The following MCTP1 variants were observed in gnomAD, a reference collection of about 807,000 sequenced individuals.
MCTP1 encodes multiple C2 and transmembrane domain containing 1.
In MCTP1, 69 loss-of-function variants were observed where a neutral mutation model predicts 120.6. The observed-to-expected ratio is 0.57, with a 90% confidence interval of 0.47 to 0.70. The LOEUF (loss-of-function observed/expected upper bound fraction) is 0.70. Among genes scored for constraint, MCTP1 ranks in the 30% least tolerant of loss-of-function variants. The pLI is 0.00. For synonymous variants in MCTP1, 529 were observed against 493.1 expected (o/e 1.07, Z -0.96); for missense variants, 1,203 against 1,248.8 (o/e 0.96, Z 0.55).
intron 18 of MCTP1, among the ~76,000 whole-genome samples, chr5:94,793,986 T>C (rs544918111): frequency 2.6e-5 from 4 of 152,148 alleles, no homozygotes; most frequent in Non-Finnish European, 5.9e-5. Flanking sequence ...AAAAGGGAAA[T>C]GAAGAAACAA....
intron 1 of MCTP1, among the ~76,000 whole-genome samples, chr5:95,080,251 T>G (rs966351413): frequency 1.3e-5 from 2 of 152,194 alleles, no homozygotes; most frequent in African/African-American, 4.8e-5. Flanking sequence ...TGGCAATGGC[T>G]AAGAAATTGC....
At chr5:94,935,177 A>G (rs536535668) in intron 5 of MCTP1, among the ~76,000 whole-genome samples, 35 of 152,082 alleles carry the variant, frequency 2.3e-4, no homozygotes, top group Non-Finnish European at 4.3e-4. Flanking sequence ...TAAAGACTCA[A>G]TCATGACCTC....
At chr5:94,820,449 A>G (rs1785393198) in intron 17 of MCTP1, among the ~76,000 whole-genome samples, 1 of 152,208 alleles carries the variant, frequency 6.6e-6, no homozygotes, top group African/African-American at 2.4e-5. Flanking sequence ...CACCTTCTTT[A>G]ACATTTTTTG....
At chr5:95,227,764 T>G (rs1043695244) in intron 1 of MCTP1, among the ~76,000 whole-genome samples, 5 of 152,194 alleles carry the variant, frequency 3.3e-5, no homozygotes, top group Non-Finnish European at 4.4e-5. Flanking sequence ...GGTCATTACC[T>G]TATATTAACA....
intron 14 of MCTP1, 53 bp from the exon 15 acceptor site, chr5:94,871,026 C>T (rs1032660649): frequency 5.7e-5 from 80 of 1,405,874 alleles, no homozygotes; most frequent in Non-Finnish European, 8.0e-5. Context: ...ACTGAATACA[C>T]TCCCTCAGTG....
intron 1 of MCTP1, among the ~76,000 whole-genome samples, chr5:95,131,177 G>A (rs1186328404): frequency 6.6e-6 from 1 of 152,040 alleles, no homozygotes; most frequent in Non-Finnish European, 1.5e-5. Flanking sequence ...TCTCAATGTT[G>A]TCAGAGTTGC....
chr5:94,772,997 G>A (rs1341094495), intron 19 of MCTP1, among the ~76,000 whole-genome samples: 2 of 152,154 alleles, frequency 1.3e-5, no homozygotes, highest in Non-Finnish European at 2.9e-5. Flanking sequence ...GTACCCTCCA[G>A]TTGTAATGTT....
chr5:94,707,487 G>A lies in MCTP1; in HGVS notation c.*9C>T. 5.6e-6 allele frequency: 9 copies of A among 1,607,736 alleles called. No homozygotes were observed. Among genetic ancestry groups the A allele is most frequent in the Non-Finnish European group, 6.0e-6 (7 of 1,174,898 alleles). Reference sequence around the variant, plus strand: ...AACAGATGCTGGTCTCCTCAGTGCTGGGAGCTGGCTAGCCAAGATTGTTTT... The same window carrying A: ...AACAGATGCTGGTCTCCTCAGTGCTAGGAGCTGGCTAGCCAAGATTGTTTT... On this transcript the variant is annotated 3_prime_UTR_variant, in exon 23 of 23. Coordinates refer to ENST00000515393, the MANE Select transcript of MCTP1 (RefSeq NM_024717.7).
At chr5:94,843,789 A>T (rs1216447772) in intron 17 of MCTP1, among the ~76,000 whole-genome samples, 1 of 152,248 alleles carries the variant, frequency 6.6e-6, no homozygotes, top group Non-Finnish European at 1.5e-5. Flanking sequence ...ACACAATAGT[A>T]GAGAAGAGTT....
chr5:94,752,676 T>C (rs1389781229), intron 19 of MCTP1, among the ~76,000 whole-genome samples: 5 of 152,076 alleles, frequency 3.3e-5, no homozygotes, highest in East Asian at 1.9e-4. Flanking sequence ...AAAGAAAATA[T>C]AACCCTTCAT....
intron 12 of MCTP1, among the ~76,000 whole-genome samples, chr5:94,880,178 T>C (rs1799747969): frequency 1.3e-5 from 2 of 152,172 alleles, no homozygotes; most frequent in African/African-American, 4.8e-5. Flanking sequence ...ATATTTAATA[T>C]AGAAACTATA....
intron 10 of MCTP1, among the ~76,000 whole-genome samples, chr5:94,895,038 GA>G (rs1218989916): frequency 6.6e-6 from 1 of 151,944 alleles, no homozygotes; most frequent in Non-Finnish European, 1.5e-5. Flanking sequence ...TTTCCTGTAA[GA>G]TACAAAAAAA....
intron 19 of MCTP1, among the ~76,000 whole-genome samples, chr5:94,744,116 G>GCACGC (rs952887684): frequency 3.3e-5 from 5 of 151,582 alleles, no homozygotes; most frequent in Non-Finnish European, 5.9e-5. Context: ...AACTACAGAT[G>GCACGC]CACGCCACCA....
chr5:94,876,731 T>C (rs1798948876), intron 12 of MCTP1, among the ~76,000 whole-genome samples: 1 of 151,962 alleles, frequency 6.6e-6, no homozygotes, highest in African/African-American at 2.4e-5. Flanking sequence ...ATAGAAATGG[T>C]GGCAGTGCTG....
chr5:95,271,039 T>C (rs1759349213), intron 1 of MCTP1, among the ~76,000 whole-genome samples: 1 of 151,780 alleles, frequency 6.6e-6, no homozygotes, highest in Non-Finnish European at 1.5e-5. Context: ...CATGTACACG[T>C]ATGCAAAACC....
chr5:94,729,551 C>T (rs975149242), intron 19 of MCTP1, among the ~76,000 whole-genome samples: 1 of 152,136 alleles, frequency 6.6e-6, no homozygotes, highest in Admixed American at 6.5e-5. Flanking sequence ...CCAGTATCTC[C>T]CATTGGCCAA....
chr5:95,035,112 A>T (rs2347478), intron 1 of MCTP1, among the ~76,000 whole-genome samples: 1 of 151,818 alleles, frequency 6.6e-6, no homozygotes, highest in Non-Finnish European at 1.5e-5. Context: ...ACACTCATAC[A>T]CTGTTGGTGG....
intron 1 of MCTP1, among the ~76,000 whole-genome samples, chr5:95,280,443 A>T (rs1760221939): frequency 6.6e-6 from 1 of 152,174 alleles, no homozygotes; most frequent in African/African-American, 2.4e-5. Flanking sequence ...TTCATTCCTC[A>T]CTCTTTATCT....
In MCTP1 at chr5:95,169,652, A is replaced by AT. The variant is rs1400404315; in HGVS notation, c.720+114203dup. ...GGGTGTATGTGTCCGGAATTTATCCATTTTTTCTAGATTTTCGAGTTTATT... is the reference window on the plus strand; with the variant it reads ...GGGTGTATGTGTCCGGAATTTATCCATTTTTTTCTAGATTTTCGAGTTTATT... On this transcript the variant is annotated intron_variant, in intron 1 of 22. Transcript: ENST00000515393. Among the ~76,000 whole-genome samples the AT allele has an allele frequency of 1.8e-4, 27 of 152,046 alleles. No homozygotes were observed. The East Asian group carries it at 3.5e-3, about 20-fold the overall frequency.
Sources: allele counts gnomAD v4.1 joint callset (sites outside exome capture counted in the v4.1 genomes callset), GRCh38; gene constraint gnomAD v4.1.1; transcripts MANE v1.5; gene names NCBI Gene and HGNC (gene_info 2026-07-23, HGNC 2026-07-21).